Variants in PRKG2 observed in about 807,000 individuals in gnomAD.
PRKG2 encodes the protein protein kinase cGMP-dependent 2.
In PRKG2, 33 loss-of-function variants were observed where a neutral mutation model predicts 97.2. The ratio of observed to expected loss-of-function variants is 0.34; its 90% CI spans 0.26 to 0.45. The LOEUF is 0.45. PRKG2 is among the 20% of genes least tolerant of loss of function. PRKG2 has a pLI of 1.00. For synonymous variants in PRKG2, 330 were observed against 321.8 expected (o/e 1.03, Z -0.27); for missense variants, 638 against 900.0 (o/e 0.71, Z 3.73).
At chr4:81,130,821 G>A (rs1453765624) in intron 14 of PRKG2, among the ~76,000 whole-genome samples, 1 of 152,118 alleles carries the variant, frequency 6.6e-6, no homozygotes, top group African/African-American at 2.4e-5. Context: ...GGTAATAGTT[G>A]ATGCCCCTCC....
At chr4:81,181,636 T>TGTG (rs60907179) in intron 2 of PRKG2, among the ~76,000 whole-genome samples, 36,167 of 151,362 alleles carry the variant, frequency 0.24, 8,392 homozygotes, top group African/African-American at 0.59. Flanking sequence ...AGACAGGACT[T>TGTG]GAGTAAGAGA....
In PRKG2 at chr4:81,100,392, C is replaced by T. The variant is rs188545370; in HGVS notation, c.2126+3978G>A. On this transcript the variant is annotated intron_variant, in intron 17 of 18. Coordinates refer to ENST00000264399, the MANE Select transcript of PRKG2 (RefSeq NM_006259.3). ...TGCAGACCAATGGAACAGAACAGAGCCCTCAGAAATAATGCCGCACATCTA... is the reference window on the plus strand; with the variant it reads ...TGCAGACCAATGGAACAGAACAGAGTCCTCAGAAATAATGCCGCACATCTA... 1.2e-3 allele frequency among the ~76,000 whole-genome samples: 190 copies of T among 152,112 alleles called. 1 individual carries two copies. Among genetic ancestry groups the T allele is most frequent in the African/African-American group, 4.3e-3 (179 of 41,514 alleles).
chr4:81,112,571 T>C (rs1430469722), intron 14 of PRKG2, among the ~76,000 whole-genome samples: 1 of 152,222 alleles, frequency 6.6e-6, no homozygotes, highest in African/African-American at 2.4e-5. Context: ...AAGTGGTATA[T>C]TTCCATTTGA....
At chr4:81,151,383 G>A (rs1424142984) in intron 8 of PRKG2, among the ~76,000 whole-genome samples, 3 of 151,886 alleles carry the variant, frequency 2.0e-5, no homozygotes, top group Non-Finnish European at 4.4e-5. Flanking sequence ...AGTGTCCCTC[G>A]AGCCATTTAA....
intron 14 of PRKG2, among the ~76,000 whole-genome samples, chr4:81,112,429 C>A (rs1744079087): frequency 6.8e-6 from 1 of 147,354 alleles, no homozygotes; most frequent in South Asian, 2.2e-4. Context: ...TGTATGCACA[C>A]AAATATGAAA....
At chr4:81,195,636 C>T (rs953606245) in intron 2 of PRKG2, among the ~76,000 whole-genome samples, 3 of 152,140 alleles carry the variant, frequency 2.0e-5, no homozygotes, top group African/African-American at 7.2e-5. Context: ...AAATGGAATC[C>T]TGCATTTGTC....
rs568039327 is a variant in PRKG2 at position 81,111,451 on chromosome 4, T to A, written c.1777-840A>T. 8.3e-4 allele frequency among the ~76,000 whole-genome samples: 123 copies of A among 147,322 alleles called. 1 individual carries two copies. Among genetic ancestry groups the A allele is most frequent in the African/African-American group, 3.1e-3 (116 of 37,060 alleles). ...AATATTATATCATGTTATACATGAT[T>A]AATATTATATCATGTAATACATGAT... On this transcript the variant is annotated intron_variant, in intron 14 of 18. Coordinates refer to ENST00000264399, the MANE Select transcript of PRKG2 (RefSeq NM_006259.3).
chr4:81,178,393 C>T (rs1161971194), intron 2 of PRKG2, among the ~76,000 whole-genome samples: 1 of 151,602 alleles, frequency 6.6e-6, no homozygotes, highest in Non-Finnish European at 1.5e-5. Context: ...TGACTAAGGA[C>T]AGAGAGAAAA....
intron 15 of PRKG2, among the ~76,000 whole-genome samples, chr4:81,109,862 T>C (rs1261400452): frequency 6.6e-6 from 1 of 152,192 alleles, no homozygotes; most frequent in Non-Finnish European, 1.5e-5. Flanking sequence ...ACTAACACAG[T>C]CCTTTAATCT....
chr4:81,093,062 C>T (rs939703828), intron 17 of PRKG2, among the ~76,000 whole-genome samples: 5 of 152,112 alleles, frequency 3.3e-5, no homozygotes, highest in Admixed American at 6.6e-5. Context: ...AAGTCTGTTC[C>T]ATGTCTTTGC....
intron 9 of PRKG2, among the ~76,000 whole-genome samples, chr4:81,146,144 C>T (rs1327172032): frequency 6.6e-6 from 1 of 152,126 alleles, no homozygotes; most frequent in Non-Finnish European, 1.5e-5. Flanking sequence ...CTTTGTTTTA[C>T]TTTTATTTAT....
At chr4:81,166,966 A>C (rs1750040656) in intron 6 of PRKG2, among the ~76,000 whole-genome samples, 195 bp downstream of exon 6, 1 of 152,122 alleles carries the variant, frequency 6.6e-6, no homozygotes, top group African/African-American at 2.4e-5. Context: ...TTCCTTTTAT[A>C]CATCTGAAGA....
At chr4:81,160,437 C>A (rs1749513900) in intron 6 of PRKG2, among the ~76,000 whole-genome samples, 1 of 152,138 alleles carries the variant, frequency 6.6e-6, no homozygotes. Flanking sequence ...GCAACAATCA[C>A]CAGCTTTCAC....
At chr4:81,131,220 C>T (rs1423867800) in intron 14 of PRKG2, among the ~76,000 whole-genome samples, 1 of 149,424 alleles carries the variant, frequency 6.7e-6, no homozygotes, top group Non-Finnish European at 1.5e-5. Flanking sequence ...TCCCTCATGG[C>T]TTCCCTTGGC....
intron 14 of PRKG2, among the ~76,000 whole-genome samples, chr4:81,128,764 T>C (rs1745859437): frequency 6.6e-6 from 1 of 152,130 alleles, no homozygotes; most frequent in Non-Finnish European, 1.5e-5. Flanking sequence ...GTAAATCTTT[T>C]CAAGAAACCA....
intron 9 of PRKG2, among the ~76,000 whole-genome samples, chr4:81,147,033 G>T (rs751305885): frequency 6.6e-6 from 1 of 152,094 alleles, no homozygotes; most frequent in East Asian, 1.9e-4. Context: ...AAATATTCAC[G>T]TAATTTTTAT....
At chr4:81,217,047 ATATATATGTG>A (rs892975536), upstream of PRKG2, among the ~76,000 whole-genome samples, 6 of 141,738 alleles carry the variant, frequency 4.2e-5, no homozygotes, top group African/African-American at 1.4e-4. Flanking sequence ...ATATATATAT[ATATATATGTG>A]TATATATATA....
intron 9 of PRKG2, among the ~76,000 whole-genome samples, chr4:81,146,375 CT>C (rs886880535): frequency 8.6e-5 from 13 of 151,544 alleles, no homozygotes; most frequent in African/African-American, 2.7e-4. Context: ...AACTAATGAA[CT>C]TTTTTTTTGA....
chr4:81,162,154 G>A (rs1749634494), intron 6 of PRKG2, among the ~76,000 whole-genome samples: 1 of 152,102 alleles, frequency 6.6e-6, no homozygotes, highest in African/African-American at 2.4e-5. Flanking sequence ...TACACCTAAT[G>A]TTGTTTGAGG....
Sources: gnomAD v4.1 joint callset for allele counts (sites outside exome capture counted in the v4.1 genomes callset) on GRCh38, gnomAD v4.1.1 for gene constraint, MANE v1.5 for transcripts, NCBI Gene and HGNC (gene_info 2026-07-23, HGNC 2026-07-21) for gene names.